Variants in USH2A observed in about 807,000 individuals in gnomAD.
The protein encoded by USH2A is usherin.
USH2A carries 443 observed loss-of-function variants against 538.9 expected under a neutral mutation model. The observed-to-expected ratio is 0.82, with a 90% CI of 0.76 to 0.89. The LOEUF is 0.89. Ranked by LOEUF, USH2A falls within the 40% of genes least tolerant of loss-of-function variation. The pLI is 0.00. For missense variants in USH2A, 6,633 were observed against 6,324.8 expected (o/e 1.05, Z -1.65); for synonymous variants, 2,413 against 2,273.5 (o/e 1.06, Z -1.75).
rs767655369 is a variant in USH2A at position 215,758,575 on chromosome 1, T to C, written c.11389+20A>G. 14 of 1,606,414 alleles carry C rather than the reference T, an allele frequency of 8.7e-6. No homozygotes were observed. Among genetic ancestry groups the C allele is most frequent in the Admixed American group, 5.0e-5 (3 of 59,944 alleles). ...TAAAATGTTTACACACACACACACATACTTCTTTTTTTTTTTTACCTGGTG... is the reference window on the plus strand; with the variant it reads ...TAAAATGTTTACACACACACACACACACTTCTTTTTTTTTTTTACCTGGTG... On this transcript the variant is annotated intron_variant, in intron 58 of 71. Transcript: ENST00000307340.
intron 4 of USH2A, among the ~76,000 whole-genome samples, chr1:216,332,806 G>A (rs61828102): frequency 1.3e-5 from 2 of 152,102 alleles, no homozygotes; most frequent in Non-Finnish European, 2.9e-5. Context: ...CACTAAACAA[G>A]CAAACAGTAG....
At chr1:216,414,462 T>C (rs911958706) in intron 3 of USH2A, among the ~76,000 whole-genome samples, 5 of 152,128 alleles carry the variant, frequency 3.3e-5, no homozygotes, top group African/African-American at 1.2e-4. Flanking sequence ...AATTTTGGTA[T>C]GTCTGGATTT....
intron 32 of USH2A, among the ~76,000 whole-genome samples, chr1:216,023,459 C>CAAGAAAAAAA (rs1668886472): frequency 2.1e-5 from 1 of 46,956 alleles, no homozygotes; most frequent in Non-Finnish European, 3.8e-5. Context: ...TCAAAGCAGA[C>CAAGAAAAAAA]AAAAAAAAAA....
rs905823055 is a variant in USH2A, at chr1:215,750,470, A to G, written c.11390-7135T>C. On this transcript the variant is annotated intron_variant, in intron 58 of 71. Transcript: ENST00000307340. Reference sequence around the variant, plus strand: ...CGTTAGTTAAATGACTAGAGGAATCAATATACCCAAAGGCAAATGAATTAC... The same window carrying G: ...CGTTAGTTAAATGACTAGAGGAATCGATATACCCAAAGGCAAATGAATTAC... Among the ~76,000 whole-genome samples the G allele has an allele frequency of 3.9e-5, 6 of 152,308 alleles. No individual in the cohort carries two copies. In the South Asian group the frequency reaches 6.2e-4, roughly 16 times the overall value.
At chr1:216,127,873 G>T (rs546519962) in intron 21 of USH2A, among the ~76,000 whole-genome samples, 49 of 152,222 alleles carry the variant, frequency 3.2e-4, no homozygotes, top group African/African-American at 1.2e-3. Context: ...AGAATCATTG[G>T]AAAATAACTG....
chr1:215,848,794 A>G (rs564853901), intron 44 of USH2A, among the ~76,000 whole-genome samples: 91 of 152,350 alleles, frequency 6.0e-4, no homozygotes, highest in African/African-American at 2.2e-3. Flanking sequence ...AAAATGTAGA[A>G]ACACATACAA....
At chr1:216,010,450 T>TCTC (rs1314718836) in intron 32 of USH2A, among the ~76,000 whole-genome samples, 1 of 151,576 alleles carries the variant, frequency 6.6e-6, no homozygotes, top group Non-Finnish European at 1.5e-5. Flanking sequence ...ACTGACCCCT[T>TCTC]CTCGGCTTAG....
chr1:215,751,752 G>T (rs934148592), intron 58 of USH2A, among the ~76,000 whole-genome samples: 1 of 152,222 alleles, frequency 6.6e-6, no homozygotes, highest in African/African-American at 2.4e-5. Context: ...GAGAGGGAAT[G>T]CTTAGGAATA....
At chr1:216,201,981 G>A (rs1301889472) in intron 16 of USH2A, among the ~76,000 whole-genome samples, 3 of 152,260 alleles carry the variant, frequency 2.0e-5, no homozygotes, top group East Asian at 1.9e-4. Flanking sequence ...TCTAGAGAGC[G>A]TGCAGCTGTG....
intron 55 of USH2A, among the ~76,000 whole-genome samples, chr1:215,776,635 C>A (rs536210750): frequency 6.6e-6 from 1 of 152,092 alleles, no homozygotes. Context: ...GAATGCCAAG[C>A]TTTTGGAAAT....
chr1:216,132,254 C>T (rs1282112534), intron 21 of USH2A, among the ~76,000 whole-genome samples: 1 of 152,114 alleles, frequency 6.6e-6, no homozygotes, highest in African/African-American at 2.4e-5. Context: ...ACTTTTCACA[C>T]TTTCTTATAC....
At chr1:216,223,470 G>A (rs1469040601) in intron 14 of USH2A, among the ~76,000 whole-genome samples, 2 of 152,178 alleles carry the variant, frequency 1.3e-5, no homozygotes, top group South Asian at 2.1e-4. Context: ...CAAAAGGAGA[G>A]TCTGTTTATT....
intron 11 of USH2A, among the ~76,000 whole-genome samples, chr1:216,257,766 G>A (rs1459515534): frequency 6.6e-6 from 1 of 151,790 alleles, no homozygotes; most frequent in Non-Finnish European, 1.5e-5. Context: ...TTTCATTTTG[G>A]ATAGGTTATA....
At chr1:215,798,394 T>C (rs556768999) in intron 50 of USH2A, among the ~76,000 whole-genome samples, 18 of 152,198 alleles carry the variant, frequency 1.2e-4, no homozygotes, top group Non-Finnish European at 2.4e-4. Flanking sequence ...AACTTCAGTT[T>C]CTTCATTTTT....
intron 45 of USH2A, 94 bp from the exon 46 acceptor site, chr1:215,844,590 G>C (rs1663786758): frequency 7.5e-7 from 1 of 1,325,096 alleles, no homozygotes; most frequent in African/African-American, 1.4e-5. Flanking sequence ...TTTAGCAAAG[G>C]GTTCCTCGCT....
intron 35 of USH2A, among the ~76,000 whole-genome samples, chr1:215,975,842 T>C (rs1667607059): frequency 6.6e-6 from 1 of 152,176 alleles, no homozygotes. Flanking sequence ...AGCTTTTTCC[T>C]AATTCTGTGA....
intron 34 of USH2A, among the ~76,000 whole-genome samples, chr1:215,995,766 A>T (rs1668120730): frequency 6.6e-6 from 1 of 152,242 alleles, no homozygotes; most frequent in Non-Finnish European, 1.5e-5. Flanking sequence ...TGAAAAATTC[A>T]TAAAGGCATA....
At chr1:216,283,964 T>A (rs1157095591) in intron 11 of USH2A, among the ~76,000 whole-genome samples, 1 of 152,062 alleles carries the variant, frequency 6.6e-6, no homozygotes, top group East Asian at 1.9e-4. Flanking sequence ...GAGTATCAAG[T>A]TTTTCTTCAA....
chr1:215,970,120 A>T (rs565525550), intron 36 of USH2A, among the ~76,000 whole-genome samples: 5 of 152,198 alleles, frequency 3.3e-5, no homozygotes, highest in Non-Finnish European at 7.3e-5. Context: ...GCTGATATTG[A>T]TGTAATTTTA....
Sources: allele counts gnomAD v4.1 joint callset (sites outside exome capture counted in the v4.1 genomes callset), GRCh38; gene constraint gnomAD v4.1.1; transcripts MANE v1.5; gene names NCBI Gene and HGNC (gene_info 2026-07-23, HGNC 2026-07-21).